MYO9A: variants seen among roughly 807,000 people sequenced by gnomAD.
MYO9A encodes myosin IXA, also known as unconventional myosin-IXa.
Under a neutral mutation model 293.3 loss-of-function variants are expected in MYO9A, and 103 were observed. That is an observed-to-expected ratio of 0.35 (90% CI 0.30 to 0.41). The LOEUF (loss-of-function observed/expected upper bound fraction) is 0.41, where lower values mean the gene tolerates loss of function less well. Ranked by LOEUF, MYO9A falls within the 10% of genes least tolerant of loss-of-function variation. MYO9A has a pLI of 1.00. For synonymous variants in MYO9A, 1,001 were observed against 1,035.7 expected (o/e 0.97, Z 0.64); for missense variants, 2,685 against 3,033.0 (o/e 0.89, Z 2.69).
rs1375876431 is a variant in MYO9A at position 71,822,881 on chromosome 15, A to G, written c.*3699T>C. The G allele has an allele frequency of 1.3e-5, 2 of 152,210 alleles. No individual in the cohort carries two copies. Among genetic ancestry groups the G allele is most frequent in the Non-Finnish European group, 2.9e-5 (2 of 68,052 alleles). 9.4% of individuals were successfully genotyped at this position (152,210 alleles called of 1,614,324 possible). ...TCATCATTTTGCTGTTACCCTTTCA[A>G]TACCCAATCAAATGTGGGAGTCATT... On this transcript the variant is annotated 3_prime_UTR_variant, in exon 42 of 42. Coordinates refer to ENST00000356056, the MANE Select transcript of MYO9A (RefSeq NM_006901.4).
Position 72,020,954 on chromosome 15 carries a change from A to C in MYO9A, c.1062T>G (p.His354Gln). The stretch of plus-strand genomic sequence containing the variant: ...AATGATATTCCTCTGGTTGCTTAAG[A>C]TGGAATGCTGATCTCTCATCTTCAC... ...GASEDERSAF[H>Q]LKQPEEYHYL... The change falls in exon 5 of 42, where the codon CAT (histidine) becomes CAG (glutamine). Residue 354 changes from histidine to glutamine, a missense_variant. Coordinates refer to ENST00000356056, the MANE Select transcript of MYO9A (RefSeq NM_006901.4). The C allele has an allele frequency of 6.5e-7, 1 of 1,548,290 alleles. No homozygotes were observed. Among genetic ancestry groups the C allele is most frequent in the African/African-American group, 1.4e-5 (1 of 71,022 alleles).
chr15:71,950,975 CA>C (rs977485385), intron 15 of MYO9A, among the ~76,000 whole-genome samples: 1 of 152,012 alleles, frequency 6.6e-6, no homozygotes, highest in Non-Finnish European at 1.5e-5. Context: ...TTACAACTGG[CA>C]AAAGAATCAA....
At chr15:72,116,125 G>A (rs770290482) in intron 1 of MYO9A, among the ~76,000 whole-genome samples, 1 of 152,234 alleles carries the variant, frequency 6.6e-6, no homozygotes, top group Non-Finnish European at 1.5e-5. Context: ...GGATACACAT[G>A]AAGCTGGAAA....
chr15:71,975,931 T>C lies in MYO9A; in HGVS notation c.1844+2240A>G, dbSNP rs559210555. On this transcript the variant is annotated intron_variant, in intron 12 of 41. Transcript: ENST00000356056. The stretch of plus-strand genomic sequence containing the variant: ...GAGGGTGGTACACCCAGGGAGGACA[T>C]GGAGGCTCTGTGCTCCTTCCCCCAC... Among the ~76,000 whole-genome samples the C allele has an allele frequency of 3.9e-5, 6 of 152,288 alleles. No homozygotes were observed. The South Asian group carries it at 1.2e-3, about 32-fold the overall frequency.
chr15:71,930,036 A>C (rs2058431508), intron 18 of MYO9A, among the ~76,000 whole-genome samples: 1 of 152,138 alleles, frequency 6.6e-6, no homozygotes, highest in Non-Finnish European at 1.5e-5. Flanking sequence ...AATGTTTGGT[A>C]GTGTTGCATC....
intron 39 of MYO9A, among the ~76,000 whole-genome samples, chr15:71,832,189 T>C (rs1018161850): frequency 6.6e-6 from 1 of 152,124 alleles, no homozygotes; most frequent in Non-Finnish European, 1.5e-5. Context: ...GGTAAGAGCA[T>C]TGCTTGAACT....
At chr15:71,937,922 C>T (rs986448274) in intron 16 of MYO9A, among the ~76,000 whole-genome samples, 2 of 152,012 alleles carry the variant, frequency 1.3e-5, no homozygotes, top group South Asian at 2.1e-4. Flanking sequence ...ATTTAACATG[C>T]AAATATGGTG....
chr15:72,032,346 A>C (rs1488322234), intron 3 of MYO9A, 148 bp downstream of exon 3: 1 of 478,658 alleles, frequency 2.1e-6, no homozygotes, highest in Non-Finnish European at 3.5e-6. Context: ...TGAGGTTTTA[A>C]CTTTTCCAAA....
intron 1 of MYO9A, among the ~76,000 whole-genome samples, chr15:72,059,542 C>T (rs2078820155): frequency 2.6e-5 from 4 of 152,124 alleles, no homozygotes; most frequent in Admixed American, 6.6e-5. Context: ...TAGCCTATTA[C>T]GTTTTTATTT....
chr15:72,040,415 G>A (rs372674217), intron 2 of MYO9A: 2 of 152,298 alleles, frequency 1.3e-5, no homozygotes, highest in East Asian at 3.8e-4. Context: ...GCAGGGGGGA[G>A]GAGCCTGGCC....
Position 71,935,399 on chromosome 15 carries a change from C to T in MYO9A, c.2464G>A (p.Gly822Arg). The change falls in exon 17 of 42, where the codon GGA becomes AGA. Residue 822 changes from glycine to arginine, a missense_variant. Gly to Arg is a moderately radical substitution (Grantham distance 125, BLOSUM62 -2). Around this residue, in one of 10 missense-constraint regions of MYO9A, gnomAD observed 1,434 missense variants for 1,497.7 expected, o/e 0.96. Coordinates refer to ENST00000356056, the MANE Select transcript of MYO9A (RefSeq NM_006901.4). ...CTGCTAGTTGAATTAGCAAATATTCCATCTTTATCAAGCAAGGAGGTGCCA... is the reference window on the plus strand; with the variant it reads ...CTGCTAGTTGAATTAGCAAATATTCTATCTTTATCAAGCAAGGAGGTGCCA... ...SSGTSLLDKD[G>R]IFANSTSSKL... 6.2e-7 allele frequency: 1 copy of T among 1,613,670 alleles called. No individual in the cohort carries two copies. The highest frequency in any genetic ancestry group is 8.5e-7 in the Non-Finnish European group (1 of 1,179,728).
intron 22 of MYO9A, among the ~76,000 whole-genome samples, chr15:71,901,962 T>G (rs1567249306): frequency 6.6e-6 from 1 of 152,168 alleles, no homozygotes; most frequent in Non-Finnish European, 1.5e-5. Context: ...AAGTTATTAA[T>G]AAGTTTATTT....
At chr15:72,108,964 T>C (rs965981414) in intron 1 of MYO9A, among the ~76,000 whole-genome samples, 2 of 152,120 alleles carry the variant, frequency 1.3e-5, no homozygotes, top group African/African-American at 2.4e-5. Context: ...GGTTTCACCA[T>C]GTTGGCCAGG....
At chr15:71,984,690 C>G (rs548065808) in intron 11 of MYO9A, among the ~76,000 whole-genome samples, 1 of 152,124 alleles carries the variant, frequency 6.6e-6, no homozygotes, top group Non-Finnish European at 1.5e-5. Context: ...ATTTTACTAA[C>G]CTGTATCTTA....
intron 1 of MYO9A, among the ~76,000 whole-genome samples, chr15:72,092,544 G>A (rs554224061): frequency 1.3e-5 from 2 of 151,950 alleles, no homozygotes; most frequent in Non-Finnish European, 2.9e-5. Context: ...ACCACTGCAC[G>A]ACCACTGCCC....
chr15:72,052,390 T>C (rs2149804307), intron 1 of MYO9A, among the ~76,000 whole-genome samples: 1 of 152,294 alleles, frequency 6.6e-6, no homozygotes, highest in South Asian at 2.1e-4. Context: ...CCCCTTCACC[T>C]TGCTCACCTT....
At chr15:71,860,520 C>T (rs577567687) in intron 33 of MYO9A, among the ~76,000 whole-genome samples, 14 of 152,270 alleles carry the variant, frequency 9.2e-5, no homozygotes, top group Admixed American at 7.8e-4. Context: ...CTAGCTCTGG[C>T]TTCTGTGTAC....
chr15:72,066,411 G>A (rs1236978064), intron 1 of MYO9A, among the ~76,000 whole-genome samples: 3 of 151,634 alleles, frequency 2.0e-5, no homozygotes, highest in Admixed American at 6.6e-5. Flanking sequence ...GCTTGAACCC[G>A]GGTGGTGGAG....
chr15:71,930,140 G>A lies in MYO9A; in HGVS notation c.2562+3530C>T, dbSNP rs528773449. ...CAATGCCTGTAATGTCCTGAAGAAT[G>A]TCCTATGTATGCTTCAGACGAATGT... On this transcript the variant is annotated intron_variant, in intron 18 of 41. Coordinates refer to ENST00000356056, the MANE Select transcript of MYO9A (RefSeq NM_006901.4). Among the ~76,000 whole-genome samples the A allele has an allele frequency of 6.6e-5, 10 of 152,270 alleles. No individual in the cohort carries two copies. The South Asian group carries it at 2.1e-3, about 32-fold the overall frequency.
Sources: gnomAD v4.1 joint callset for allele counts (sites outside exome capture counted in the v4.1 genomes callset) on GRCh38, gnomAD v4.1.1 for gene constraint, gnomAD v4.1.1 regional missense constraint, MANE v1.5 for transcripts, NCBI Gene and HGNC (gene_info 2026-07-23, HGNC 2026-07-21) for gene names.